RNF115: variants seen among roughly 807,000 people sequenced by gnomAD.
RNF115 encodes the protein ring finger protein 115, also known as E3 ubiquitin-protein ligase RNF115.
In RNF115, 31 loss-of-function variants were observed where a neutral mutation model predicts 39.2. That is an observed-to-expected ratio of 0.79 (90% CI 0.59 to 1.07). The LOEUF (loss-of-function observed/expected upper bound fraction) is 1.07. RNF115 is among the 50% of genes least tolerant of loss of function. The probability of loss-of-function intolerance (pLI) is 0.00; values close to 1 mark genes in which losing one functional copy is unlikely to be tolerated. For missense variants in RNF115, 384 were observed against 381.7 expected, an observed-to-expected ratio of 1.01 and a Z score of -0.05; for synonymous variants, 124 against 131.0, an observed-to-expected ratio of 0.95 and a Z score of 0.37.
chr1:145,805,767 G>C (rs1226931451), intron 1 of RNF115, among the ~76,000 whole-genome samples: 3 of 152,162 alleles, frequency 2.0e-5, no homozygotes, highest in African/African-American at 7.2e-5. Flanking sequence ...ACCGTAGCTA[G>C]CAGGAATAAA....
At chr1:145,793,227 G>T (rs1648759800) in intron 1 of RNF115, among the ~76,000 whole-genome samples, 1 of 152,174 alleles carries the variant, frequency 6.6e-6, no homozygotes, top group South Asian at 2.1e-4. Flanking sequence ...TGAGGCCAAA[G>T]GATCACTTGA....
Position 145,748,834 on chromosome 1 carries a change from A to G in RNF115, c.668-724T>C, listed in dbSNP as rs1657973415. On this transcript the variant is annotated intron_variant, in intron 7 of 8. Transcript: ENST00000582693. ...GGGAGGCGGAGGTTGCAGAGAGCCA[A>G]GATTGCGCCACTGCACTCCAGCCTG... Among the ~76,000 whole-genome samples the G allele has an allele frequency of 4.0e-5, 6 of 151,772 alleles. 1 individual carries two copies. The South Asian group carries it at 1.3e-3, about 32-fold the overall frequency.
chr1:145,766,941 AC>A lies in RNF115; in HGVS notation c.428+4769del, dbSNP rs1553714998. On this transcript the variant is annotated intron_variant, in intron 4 of 8. Transcript: ENST00000582693. ...GGGCGGCTGGCCGGGCGGGGGGCTG[AC>A]CTGACCCCCCCACCTCCCTCCCGGT... Among the ~76,000 whole-genome samples, 5 of 34,346 alleles carry A rather than the reference AC, an allele frequency of 1.5e-4. No individual in the cohort carries two copies. The South Asian group carries it at 6.1e-3, about 42-fold the overall frequency. 22.5% of individuals were successfully genotyped at this position (34,346 alleles called of 152,430 possible). A position where few individuals can be genotyped will look rare whatever the true frequency, so the allele number is the denominator to read the frequency against.
chr1:145,808,210 T>C (rs1302364138), intron 1 of RNF115, among the ~76,000 whole-genome samples: 3 of 152,230 alleles, frequency 2.0e-5, no homozygotes, highest in African/African-American at 4.8e-5. Flanking sequence ...AACTACCCAG[T>C]AGCGGGATTG....
intron 1 of RNF115, among the ~76,000 whole-genome samples, chr1:145,793,893 G>C (rs1648805425): frequency 6.7e-6 from 1 of 150,060 alleles, no homozygotes. Flanking sequence ...ACTCAGGCTG[G>C]AGTGCAATGG....
intron 6 of RNF115, 49 bp downstream of exon 6, chr1:145,751,389 G>A (rs587624741): frequency 1.7e-5 from 22 of 1,284,838 alleles, no homozygotes; most frequent in South Asian, 9.0e-5. Context: ...GGAAGCCTGT[G>A]GAACCATGAG....
intron 1 of RNF115, among the ~76,000 whole-genome samples, chr1:145,815,358 A>G (rs1649942790): frequency 6.6e-6 from 1 of 152,296 alleles, no homozygotes. Flanking sequence ...ATCTGGATTT[A>G]GGAAGATACC....
intron 4 of RNF115, among the ~76,000 whole-genome samples, chr1:145,758,593 G>A (rs1391616857): frequency 6.6e-6 from 1 of 152,154 alleles, no homozygotes; most frequent in Admixed American, 6.6e-5. Flanking sequence ...GTGACAAGAA[G>A]GGCAAATTAT....
In RNF115 at chr1:145,823,829, TA is replaced by T. The variant is rs1164883554; in HGVS notation, c.44del (p.Val15GlufsTer35). 1 of 1,581,086 alleles carries T rather than the reference TA, an allele frequency of 6.3e-7. No individual in the cohort carries two copies. The highest frequency in any genetic ancestry group is 8.6e-7 in the Non-Finnish European group (1 of 1,167,572). On this transcript the variant is annotated frameshift_variant, in exon 1 of 9. Transcript: ENST00000582693. LOFTEE classifies it high-confidence loss of function. ...AGTGGCAGAAAAACCGGTGGGCGGCTACAGCGGCGCCCGAGTCCGCCCCGGC... is the reference window on the plus strand; with the variant it reads ...AGTGGCAGAAAAACCGGTGGGCGGCTCAGCGGCGCCCGAGTCCGCCCCGGC... Reference protein sequence around the residue: ...SAAGADSGAAVAAHRFFCHFC... With the variant: ...SAAGADSGAAXAAHRFFCHFC...
chr1:145,784,092 G>C (rs1553717805), intron 3 of RNF115, among the ~76,000 whole-genome samples: 1 of 152,076 alleles, frequency 6.6e-6, no homozygotes, highest in African/African-American at 2.4e-5. Flanking sequence ...GTTGACTAGA[G>C]GTAAGCCCTG....
chr1:145,769,760 T>TAAAA (rs11286047), intron 4 of RNF115, among the ~76,000 whole-genome samples: 98 of 125,574 alleles, frequency 7.8e-4, no homozygotes, highest in African/African-American at 2.7e-3. Context: ...TAAAAATCCT[T>TAAAA]AAAAAAAAAA....
rs1351141710 is a variant in RNF115 at position 145,746,575 on chromosome 1, T to G, written c.*291A>C. 1 of 283,460 alleles carries G rather than the reference T, an allele frequency of 3.5e-6. No homozygotes were observed. The highest frequency in any genetic ancestry group is 2.2e-5 in the African/African-American group (1 of 45,614). The allele number at this position is 283,460 out of a possible 1,614,324, so 17.6% of individuals were successfully genotyped here. ...ACATGACAGACAGCAGGACCCTAAC[T>G]AGACTTTAAGGAATTAATTCTATTC... On this transcript the variant is annotated 3_prime_UTR_variant, in exon 9 of 9. Transcript: ENST00000582693.
At chr1:145,796,676 C>T (rs143883582) in intron 1 of RNF115, among the ~76,000 whole-genome samples, 26 of 152,206 alleles carry the variant, frequency 1.7e-4, no homozygotes, top group African/African-American at 6.3e-4. Flanking sequence ...CATGAGCCAC[C>T]ACACTCAGCC....
At position 145,780,096 on chromosome 1, in the gene RNF115, C is replaced by T. The variant is rs180954881; in HGVS notation, c.219+4443G>A. On this transcript the variant is annotated intron_variant, in intron 3 of 8. Transcript: ENST00000582693. ...TACAAAAATTAGCCAGGTTTGGCGG[C>T]GGGGGCCTGTAATCCAAGCTACTCG... is the stretch of plus-strand genomic sequence containing the variant. Among the ~76,000 whole-genome samples the T allele has an allele frequency of 9.0e-3, 1,365 of 151,540 alleles. 12 individuals carry two copies. Among genetic ancestry groups the T allele is most frequent in the Non-Finnish European group, 0.013 (898 of 67,910 alleles).
At chr1:145,748,883 C>CA (rs34432746) in intron 7 of RNF115, among the ~76,000 whole-genome samples, 76,570 of 136,164 alleles carry the variant, frequency 0.56, 21,740 homozygotes, top group African/African-American at 0.75. Context: ...GACTCTGTCT[C>CA]AAAAAAAAAA....
chr1:145,792,209 T>C (rs1362745744), intron 1 of RNF115, among the ~76,000 whole-genome samples: 1 of 152,210 alleles, frequency 6.6e-6, no homozygotes, highest in Non-Finnish European at 1.5e-5. Context: ...TGAAACACTG[T>C]GCCCAGTTCA....
chr1:145,772,316 T>G (rs587626417), intron 3 of RNF115: 1 of 174,622 alleles, frequency 5.7e-6, no homozygotes, highest in South Asian at 1.3e-4. Context: ...GAATGTTTAA[T>G]TAAAATGCAT....
chr1:145,757,179 C>T (rs1553713294), intron 4 of RNF115, among the ~76,000 whole-genome samples: 1 of 152,114 alleles, frequency 6.6e-6, no homozygotes, highest in African/African-American at 2.4e-5. Flanking sequence ...GATTAGGGCC[C>T]TTCCTGATCC....
chr1:145,768,134 T>C (rs1647463171), intron 4 of RNF115, among the ~76,000 whole-genome samples: 1 of 152,234 alleles, frequency 6.6e-6, no homozygotes, highest in Non-Finnish European at 1.5e-5. Context: ...AAACCACCTC[T>C]TTCACGGCAA....
Sources: gnomAD v4.1 joint callset for allele counts (sites outside exome capture counted in the v4.1 genomes callset) on GRCh38, gnomAD v4.1.1 for gene constraint, MANE v1.5 for transcripts, NCBI Gene and HGNC (gene_info 2026-07-23, HGNC 2026-07-21) for gene names.